The following FRMPD4 variants were observed in gnomAD, a reference collection of about 807,000 sequenced individuals.
The protein encoded by FRMPD4 is FERM and PDZ domain-containing protein 4.
FRMPD4 carries 22 observed loss-of-function variants against 94.1 expected under a neutral mutation model. The observed-to-expected ratio is 0.23, with a 90% CI of 0.17 to 0.33. The LOEUF (loss-of-function observed/expected upper bound fraction) is 0.33, where lower values mean the gene tolerates loss of function less well. Ranked by LOEUF, FRMPD4 falls within the 10% of genes least tolerant of loss-of-function variation. The pLI, the probability that FRMPD4 is intolerant of heterozygous loss-of-function variation, is 1.00. For missense variants in FRMPD4, 1,111 were observed against 1,339.9 expected (o/e 0.83, Z 2.67); for synonymous variants, 631 against 548.6 (o/e 1.15, Z -2.10).
chrX:11,994,235 AG>A (rs1381002111), intron 3 of FRMPD4, among the ~76,000 whole-genome samples: 3 of 111,244 alleles, frequency 2.7e-5, no homozygotes, highest in African/African-American at 6.5e-5. Context: ...CCAGCCCCAA[AG>A]GTCCATAGTG....
chrX:12,122,013 C>T (rs2055458941), intron 3 of FRMPD4, among the ~76,000 whole-genome samples: 1 of 111,974 alleles, frequency 8.9e-6, no homozygotes, highest in Non-Finnish European at 1.9e-5. Context: ...TATTGAATCT[C>T]ACCACACATT....
chrX:12,498,520 A>G (rs746483930), intron 1 of FRMPD4, 160 bp from the exon 2 acceptor site: 368 of 515,319 alleles, frequency 7.1e-4, no homozygotes, highest in Non-Finnish European at 1.1e-3. Flanking sequence ...GAAGTTGTAA[A>G]CTAGAAATTG....
At chrX:12,253,687 G>A (rs182132016) in intron 1 of FRMPD4, among the ~76,000 whole-genome samples, 119 of 111,701 alleles carry the variant, frequency 1.1e-3, no homozygotes, top group African/African-American at 3.7e-3. Flanking sequence ...TCAGAGTGCT[G>A]GGGGAGAGAG....
At chrX:12,134,857 A>G (rs1189154566), upstream of FRMPD4, among the ~76,000 whole-genome samples, 2 of 112,383 alleles carry the variant, frequency 1.8e-5, no homozygotes, top group Non-Finnish European at 3.8e-5. Context: ...ATCCTTCTAG[A>G]GCTAATATTC....
At chrX:11,926,591 G>C (rs564886393) in intron 3 of FRMPD4, among the ~76,000 whole-genome samples, 1 of 112,076 alleles carries the variant, frequency 8.9e-6, no homozygotes, top group Admixed American at 9.5e-5. Context: ...TGGGATACAA[G>C]GATGGTTCAA....
At chrX:12,534,918 G>T in intron 2 of FRMPD4, among the ~76,000 whole-genome samples, 1 of 111,789 alleles carries the variant, frequency 8.9e-6, no homozygotes, top group East Asian at 2.8e-4. Context: ...GATTGGTTTT[G>T]AAATGTGAAG....
intron 1 of FRMPD4, among the ~76,000 whole-genome samples, chrX:12,280,269 AAT>A (rs2054503750): frequency 9.2e-6 from 1 of 108,720 alleles, no homozygotes; most frequent in African/African-American, 3.3e-5. Context: ...TAATAATAAT[AAT>A]AATAATAAAA....
chrX:11,972,357 C>T (rs1398201574), intron 3 of FRMPD4, among the ~76,000 whole-genome samples: 1 of 111,804 alleles, frequency 8.9e-6, no homozygotes, highest in Non-Finnish European at 1.9e-5. Context: ...AAGAGGAGTA[C>T]ATCCCTTCCA....
At chrX:12,196,740 G>A (rs2056572298) in intron 1 of FRMPD4, among the ~76,000 whole-genome samples, 1 of 109,217 alleles carries the variant, frequency 9.2e-6, no homozygotes, top group Non-Finnish European at 1.9e-5. Context: ...TATTTATATA[G>A]ATTTCTAATA....
chrX:11,920,425 G>A (rs895715772), intron 3 of FRMPD4, among the ~76,000 whole-genome samples: 28 of 111,482 alleles, frequency 2.5e-4, no homozygotes, highest in African/African-American at 8.8e-4. Flanking sequence ...GTTCCCAAAC[G>A]ATTAATCACA....
Position 12,689,781 on chromosome X carries a change from G to A in FRMPD4, c.682-414G>A, listed in dbSNP as rs188470057. 1.9e-4 allele frequency among the ~76,000 whole-genome samples: 21 copies of A among 112,924 alleles called. No individual in the cohort carries two copies. In the Admixed American group the frequency reaches 1.9e-3, roughly 10 times the overall value. ...GCTGATGGTGAGCTAGTTTTGGCATGCAGGCCATGTTTTCCAACCCTTGGG... is the reference window on the plus strand; with the variant it reads ...GCTGATGGTGAGCTAGTTTTGGCATACAGGCCATGTTTTCCAACCCTTGGG... On this transcript the variant is annotated intron_variant, in intron 7 of 16. Transcript: ENST00000675598.
intron 2 of FRMPD4, among the ~76,000 whole-genome samples, chrX:12,608,644 C>T (rs1306436205): frequency 8.9e-6 from 1 of 112,371 alleles, no homozygotes; most frequent in African/African-American, 3.2e-5. Flanking sequence ...TGTCTGAAAC[C>T]CTCTGAGGCT....
intron 1 of FRMPD4, among the ~76,000 whole-genome samples, chrX:11,835,185 T>G (rs2053494913): frequency 8.9e-6 from 1 of 111,926 alleles, no homozygotes; most frequent in Non-Finnish European, 1.9e-5. Flanking sequence ...AAGAGGCCAC[T>G]GTGATTTTAA....
In FRMPD4 at chrX:12,688,740, G is replaced by A. The variant is rs778545376; in HGVS notation, c.682-1455G>A. On this transcript the variant is annotated intron_variant, in intron 7 of 16. Transcript: ENST00000675598. The stretch of plus-strand genomic sequence containing the variant: ...CTTTAAGAGAAAATTATAAAGCAGG[G>A]AAATCTTTTTTTTTTTTTTTCTTGA... Among the ~76,000 whole-genome samples the A allele has an allele frequency of 1.9e-3, 150 of 78,182 alleles. 1 individual carries two copies. The highest frequency in any genetic ancestry group is 7.5e-3 in the African/African-American group (140 of 18,717). The allele number at this position is 78,182 out of a possible 115,157, so 67.9% of individuals were successfully genotyped here.
intron 3 of FRMPD4, among the ~76,000 whole-genome samples, chrX:12,007,716 C>A (rs1420558045): frequency 8.9e-6 from 1 of 112,527 alleles, no homozygotes; most frequent in East Asian, 2.8e-4. Context: ...CAAGAAATGG[C>A]CTGAGATTTC....
At chrX:12,612,344 A>G (rs932423417) in intron 3 of FRMPD4, among the ~76,000 whole-genome samples, 2 of 112,116 alleles carry the variant, frequency 1.8e-5, no homozygotes, top group Non-Finnish European at 3.8e-5. Flanking sequence ...AATTTTGAGA[A>G]GAGTAGAAAA....
At position 12,704,467 on chromosome X, in the gene FRMPD4, G is replaced by T; in HGVS notation, c.1179G>T (p.Leu393Phe). The T allele has an allele frequency of 8.5e-7, 1 of 1,173,129 alleles. No individual in the cohort carries two copies. The highest frequency in any genetic ancestry group is 2.4e-5 in the Admixed American group (1 of 41,608). The change falls in exon 11 of 17, where the codon TTG (leucine) becomes TTT (phenylalanine). Residue 393 changes from leucine (L) to phenylalanine (F), a missense_variant. Leu to Phe is a conservative substitution (Grantham distance 22). Around this residue, in one of 8 missense-constraint regions of FRMPD4, gnomAD observed 111 missense variants for 160.7 expected, o/e 0.69. Transcript: ENST00000675598. ...LSHLVKANQN[L>F]VPPGKKLSAL... is the part of the protein sequence containing the mutation. ...ACCTTGTCAAAGCAAATCAAAACTT[G>T]GTACCACCGGGTAAAAAGGTATCAC...
At chrX:12,060,036 A>G (rs1394843890) in intron 3 of FRMPD4, among the ~76,000 whole-genome samples, 2 of 111,388 alleles carry the variant, frequency 1.8e-5, no homozygotes, top group African/African-American at 6.5e-5. Flanking sequence ...TCTAGTTTCT[A>G]TGACACCTTG....
At chrX:12,568,150 T>A (rs2058730490) in intron 2 of FRMPD4, among the ~76,000 whole-genome samples, 1 of 111,366 alleles carries the variant, frequency 9.0e-6, no homozygotes, top group Non-Finnish European at 1.9e-5. Flanking sequence ...AGGAAAAGTT[T>A]AAAATAGCCA....
Sources: allele counts gnomAD v4.1 joint callset (sites outside exome capture counted in the v4.1 genomes callset), GRCh38; gene constraint gnomAD v4.1.1; regional missense constraint gnomAD v4.1.1; transcripts MANE v1.5; gene names NCBI Gene and HGNC (gene_info 2026-07-23, HGNC 2026-07-21).